The following TANC1 variants were observed in gnomAD, a reference collection of about 807,000 sequenced individuals.
TANC1 encodes the protein protein TANC1.
A neutral mutation model predicts 149.7 loss-of-function variants in TANC1; 77 were observed. The ratio of observed to expected loss-of-function variants is 0.51; its 90% CI spans 0.43 to 0.62. The LOEUF (loss-of-function observed/expected upper bound fraction) is 0.62, where lower values mean the gene tolerates loss of function less well. Among genes scored for constraint, TANC1 ranks in the 20% least tolerant of loss-of-function variants. The pLI is 0.00. For synonymous variants in TANC1, 854 were observed against 925.0 expected (o/e 0.92, Z 1.39); for missense variants, 1,985 against 2,321.8 (o/e 0.85, Z 2.98).
chr2:159,206,186 G>A (rs764395315), intron 19 of TANC1, among the ~76,000 whole-genome samples: 4 of 152,184 alleles, frequency 2.6e-5, no homozygotes, highest in African/African-American at 4.8e-5. Flanking sequence ...AGATGGGGTG[G>A]GGTGACCCTG....
In TANC1 at chr2:159,178,886, T is replaced by C; in HGVS notation, c.2233T>C (p.Phe745Leu). ...CTATTTGCTTCAGTGCAACATGAAG[T>C]TCATGACCCAGTCCGCCTTTGAGAG... ...ELYLLQCNMK[F>L]MTQSAFERAL... is the part of the protein sequence containing the mutation. Residue 745 changes from phenylalanine to leucine, a missense_variant, in exon 14 of 27, where the codon TTC becomes CTC. Physicochemically the swap from Phe to Leu is conservative, Grantham distance 22 (BLOSUM62 0). This residue lies in a region of TANC1 where 508 missense variants were observed against 714.2 expected (regional missense o/e 0.71). Transcript: ENST00000263635. The C allele has an allele frequency of 6.2e-7, 1 of 1,614,174 alleles. No homozygotes were observed. Among genetic ancestry groups the C allele is most frequent in the African/African-American group, 1.3e-5 (1 of 75,046 alleles).
At chr2:159,084,268 G>A (rs139109824) in intron 3 of TANC1, among the ~76,000 whole-genome samples, 151 of 151,780 alleles carry the variant, frequency 9.9e-4, no homozygotes, top group Non-Finnish European at 1.7e-3. Context: ...AAAAAAATTC[G>A]GTCATTTCAT....
chr2:159,047,424 G>GA (rs1381673236), intron 2 of TANC1, among the ~76,000 whole-genome samples: 2 of 151,978 alleles, frequency 1.3e-5, no homozygotes, highest in Non-Finnish European at 2.9e-5. Context: ...CACCGTGAAA[G>GA]AAAAATATCT....
intron 4 of TANC1, among the ~76,000 whole-genome samples, chr2:159,122,120 T>C (rs1484874921): frequency 6.6e-6 from 1 of 152,192 alleles, no homozygotes; most frequent in Non-Finnish European, 1.5e-5. Context: ...GTATTTTCTG[T>C]AGAGACAGGG....
In TANC1 at chr2:159,076,477, A is replaced by G. The variant is rs1475562258; in HGVS notation, c.61+10506A>G. Among the ~76,000 whole-genome samples, 3 of 152,194 alleles carry G rather than the reference A, an allele frequency of 2.0e-5. No individual in the cohort carries two copies. The East Asian group carries it at 5.8e-4, about 29-fold the overall frequency. On this transcript the variant is annotated intron_variant, in intron 3 of 26. Coordinates refer to ENST00000263635, the MANE Select transcript of TANC1 (RefSeq NM_033394.3). ...TAACATTCTGTCTTTGTGCACAGCC[A>G]AAGATGTCAAAGTTCCTCCTCTACC...
intron 21 of TANC1, 46 bp downstream of exon 21, chr2:159,219,407 G>C (rs1427442358): frequency 6.2e-7 from 1 of 1,612,088 alleles, no homozygotes; most frequent in African/African-American, 1.3e-5. Context: ...CGGACACAGA[G>C]AGAACTTCAG....
intron 19 of TANC1, among the ~76,000 whole-genome samples, chr2:159,214,318 A>G (rs936617778): frequency 1.3e-5 from 2 of 152,220 alleles, no homozygotes; most frequent in Non-Finnish European, 2.9e-5. Flanking sequence ...CTGCAGGGGA[A>G]AACTGAAGCT....
At position 159,094,357 on chromosome 2, in the gene TANC1, G is replaced by A. The variant is rs76359237; in HGVS notation, c.62-3280G>A. On this transcript the variant is annotated intron_variant, in intron 3 of 26. Coordinates refer to ENST00000263635, the MANE Select transcript of TANC1 (RefSeq NM_033394.3). ...GGGCTGTGGCCTCAGTGCTTTCCAA[G>A]TTCTGATCTGTCTCTTGGTGATTCT... Among the ~76,000 whole-genome samples, 636 of 152,296 alleles carry A rather than the reference G, an allele frequency of 4.2e-3. 1 individual carries two copies. Among genetic ancestry groups the A allele is most frequent in the African/African-American group, 0.015 (606 of 41,562 alleles).
At chr2:158,980,599 A>C (rs1416711800) in intron 1 of TANC1, among the ~76,000 whole-genome samples, 2 of 151,878 alleles carry the variant, frequency 1.3e-5, no homozygotes, top group Non-Finnish European at 2.9e-5. Context: ...ACACGGTGAA[A>C]CCCCGTCTCT....
chr2:159,078,261 T>A (rs192874902), intron 3 of TANC1, among the ~76,000 whole-genome samples: 107 of 152,360 alleles, frequency 7.0e-4, no homozygotes, highest in South Asian at 4.6e-3. Context: ...AATTAAAATT[T>A]AAATTTCTTA....
chr2:159,186,866 C>T, intron 15 of TANC1, 36 bp from the exon 16 acceptor site: 5 of 1,613,782 alleles, frequency 3.1e-6, no homozygotes, highest in Non-Finnish European at 4.2e-6. Flanking sequence ...AGATCTGTCT[C>T]TGATTGTTTC....
intron 4 of TANC1, among the ~76,000 whole-genome samples, chr2:159,107,510 C>A (rs1279267022): frequency 6.6e-6 from 1 of 152,186 alleles, no homozygotes; most frequent in Non-Finnish European, 1.5e-5. Flanking sequence ...ATTTTGAGTT[C>A]ATTTTCTTGT....
At chr2:159,088,450 A>G (rs1478824577) in intron 3 of TANC1, among the ~76,000 whole-genome samples, 3 of 152,136 alleles carry the variant, frequency 2.0e-5, no homozygotes, top group East Asian at 3.8e-4. Context: ...TAAGTTTTCT[A>G]TAGTATCAGT....
In TANC1 at chr2:159,230,629, C is replaced by T; in HGVS notation, c.5203C>T (p.Gln1735Ter). The change falls in exon 27 of 27, where the codon CAG becomes TAG. Residue 1735 changes from glutamine to a stop codon, truncating the protein, a stop_gained. Coordinates refer to ENST00000263635, the MANE Select transcript of TANC1 (RefSeq NM_033394.3). LOFTEE classifies it high-confidence loss of function. The surrounding 1 kb of genome is among the most constrained non-coding windows in gnomAD (Gnocchi z 4.4). ...CATGGATAAGACTGCGAGGTTCCAA[C>T]AGCAGAGCAATCCTCCAAGCCGCAG... is the stretch of plus-strand genomic sequence containing the variant. ...GIMDKTARFQ[Q>*]QSNPPSRSWH... 1 of 1,614,208 alleles carries T rather than the reference C, an allele frequency of 6.2e-7. No homozygotes were observed. Among genetic ancestry groups the T allele is most frequent in the South Asian group, 1.1e-5 (1 of 91,074 alleles).
intron 18 of TANC1, among the ~76,000 whole-genome samples, chr2:159,197,523 T>G (rs2057944106): frequency 6.6e-6 from 1 of 152,158 alleles, no homozygotes; most frequent in African/African-American, 2.4e-5. Flanking sequence ...GCTGGCTGGC[T>G]GACTTTGGCA....
At chr2:159,225,479 G>C (rs1049885929) in intron 23 of TANC1, 1 of 588,992 alleles carries the variant, frequency 1.7e-6, no homozygotes, top group African/African-American at 1.9e-5. Flanking sequence ...ACTTTTTTCA[G>C]TAAAATAACA....
In TANC1 at chr2:158,988,926, A is replaced by G. The variant is rs568689059; in HGVS notation, c.-125-12154A>G. Among the ~76,000 whole-genome samples, 29 of 152,182 alleles carry G rather than the reference A, an allele frequency of 1.9e-4. 1 individual carries two copies. Among genetic ancestry groups the G allele is most frequent in the African/African-American group, 6.7e-4 (28 of 41,506 alleles). On this transcript the variant is annotated intron_variant, in intron 1 of 26. Transcript: ENST00000263635. ...TTCCTAATAGGCATTTCCTGGGGCG[A>G]CTGTATCTGACTAAAATTGGTCATT...
intron 4 of TANC1, among the ~76,000 whole-genome samples, chr2:159,102,262 GCTGCTTGTGTCA>G (rs1025541792): frequency 2.0e-4 from 31 of 152,018 alleles, no homozygotes; most frequent in African/African-American, 7.5e-4. Flanking sequence ...CCTCTTGTGT[GCTGCTTGTGTCA>G]CTTAAGTTTT....
At chr2:159,197,063 C>G (rs2057913112) in intron 18 of TANC1, among the ~76,000 whole-genome samples, 1 of 152,224 alleles carries the variant, frequency 6.6e-6, no homozygotes, top group African/African-American at 2.4e-5. Flanking sequence ...TGTCTCTCCT[C>G]CTTCCCTGCT....
Sources: gnomAD v4.1 joint callset for allele counts (sites outside exome capture counted in the v4.1 genomes callset) on GRCh38, gnomAD v4.1.1 for gene constraint, gnomAD v4.1.1 regional missense constraint, Gnocchi (gnomAD v3.1) non-coding constraint, MANE v1.5 for transcripts, NCBI Gene and HGNC (gene_info 2026-07-23, HGNC 2026-07-21) for gene names.